Variants in WNT7B observed in about 807,000 individuals in gnomAD.
WNT7B encodes the protein protein Wnt-7b.
In WNT7B, 19 loss-of-function variants were observed where a neutral mutation model predicts 38.2. The observed-to-expected ratio is 0.50, with a 90% CI of 0.35 to 0.73. The LOEUF is 0.73. Among genes scored for constraint, WNT7B ranks in the 30% least tolerant of loss-of-function variants. The pLI, the probability that WNT7B is intolerant of heterozygous loss-of-function variation, is 0.01. For missense variants in WNT7B, 423 were observed against 507.9 expected, an observed-to-expected ratio of 0.83 and a Z score of 1.61; for synonymous variants, 243 against 209.3, an observed-to-expected ratio of 1.16 and a Z score of -1.39.
At chr22:45,923,990 C>T (rs913653665) in intron 3 of WNT7B, among the ~76,000 whole-genome samples, 30 of 152,226 alleles carry the variant, frequency 2.0e-4, no homozygotes, top group African/African-American at 7.0e-4. Flanking sequence ...GGGCCCTCCA[C>T]GGGTGCAGCC....
At chr22:45,927,669 G>A (rs1375760075) in intron 3 of WNT7B, 2 of 720,784 alleles carry the variant, frequency 2.8e-6, no homozygotes, top group Non-Finnish European at 5.1e-6. Flanking sequence ...GCCGAGGCGG[G>A]CAGATCACCT....
chr22:45,961,385 T>TG (rs1420389969), intron 1 of WNT7B, among the ~76,000 whole-genome samples: 1 of 152,142 alleles, frequency 6.6e-6, no homozygotes, highest in Non-Finnish European at 1.5e-5. Flanking sequence ...CTTACACCTG[T>TG]GGGGGAGGGA....
rs775037152 is a variant in WNT7B at position 45,922,866 on chromosome 22, G to C, written c.1040C>G (p.Thr347Ser). Residue 347 changes from threonine to serine, a missense_variant, in exon 4 of 4, where the codon ACC (threonine) becomes AGC (serine). Around this residue, in one of 3 missense-constraint regions of WNT7B, gnomAD observed 158 missense variants for 214.7 expected, o/e 0.74. Coordinates refer to ENST00000339464, the MANE Select transcript of WNT7B (RefSeq NM_058238.3). ...NTCSERTEVF[T>S]CK The stretch of plus-strand genomic sequence containing the variant: ...CCTCCGGGCCTGGCCTCACTTGCAG[G>C]TGAAGACCTCGGTGCGCTCGCTGCA... 1 of 1,596,394 alleles carries C rather than the reference G, an allele frequency of 6.3e-7. No individual in the cohort carries two copies. The highest frequency in any genetic ancestry group is 1.1e-5 in the South Asian group (1 of 90,444).
intron 2 of WNT7B, among the ~76,000 whole-genome samples, chr22:45,941,642 G>C (rs940753707): frequency 2.0e-5 from 3 of 152,178 alleles, no homozygotes; most frequent in African/African-American, 7.2e-5. Flanking sequence ...GGCCACGGGT[G>C]GCTTAAGGTG....
intron 3 of WNT7B, chr22:45,927,647 G>A (rs550165332): frequency 9.1e-6 from 7 of 770,764 alleles, no homozygotes; most frequent in African/African-American, 8.6e-5. Flanking sequence ...TGTAATCCAA[G>A]CACTTTGGGA....
At chr22:45,942,018 C>T (rs959038017) in intron 2 of WNT7B, among the ~76,000 whole-genome samples, 1 of 152,074 alleles carries the variant, frequency 6.6e-6, no homozygotes, top group African/African-American at 2.4e-5. Context: ...GGCTGGGGAG[C>T]TCCTTGGTTT....
intron 1 of WNT7B, among the ~76,000 whole-genome samples, chr22:45,960,225 C>T (rs539933378): frequency 5.3e-5 from 8 of 152,340 alleles, no homozygotes; most frequent in Middle Eastern, 3.4e-3. Flanking sequence ...CTCTTGCCCA[C>T]ACCCGTTCCT....
At chr22:45,929,685 C>CTTCCATCCACCCATCT (rs748523997) in intron 3 of WNT7B, among the ~76,000 whole-genome samples, 3 of 111,830 alleles carry the variant, frequency 2.7e-5, no homozygotes, top group African/African-American at 9.7e-5. Context: ...TCCCTCCATA[C>CTTCCATCCACCCATCT]TTCCATCCAC....
rs1016349709 is a variant in WNT7B at position 45,931,288 on chromosome 22, T to C, written c.380A>G (p.Asn127Ser). 2 of 1,598,326 alleles carry C rather than the reference T, an allele frequency of 1.3e-6. No homozygotes were observed. Among genetic ancestry groups the C allele is most frequent in the Non-Finnish European group, 1.7e-6 (2 of 1,179,538 alleles). ...GCGGTCGCAGCCGCAGTTGCTCAGG[T>C]TCCCTTGGCTGCAGGCAGCGGTGAC... ...HAVTAACSQGNLSNCGCDREK... is the reference protein window; with the variant it reads ...HAVTAACSQGSLSNCGCDREK... The change falls in exon 3 of 4, where the codon AAC becomes AGC. Residue 127 changes from asparagine to serine, a missense_variant. Physicochemically the swap from Asn to Ser is conservative, Grantham distance 46 (BLOSUM62 1). Coordinates refer to ENST00000339464, the MANE Select transcript of WNT7B (RefSeq NM_058238.3).
At chr22:45,952,975 G>A (rs115986104) in intron 1 of WNT7B, among the ~76,000 whole-genome samples, 2,680 of 152,292 alleles carry the variant, frequency 0.018, 64 homozygotes, top group African/African-American at 0.06. Flanking sequence ...CCCCTTCTCC[G>A]TTTTTCTGTC....
At chr22:45,924,311 AAATGAATG>A (rs778598358) in intron 3 of WNT7B, among the ~76,000 whole-genome samples, 1 of 152,288 alleles carries the variant, frequency 6.6e-6, no homozygotes, top group South Asian at 2.1e-4. Flanking sequence ...GTCCCCCAGA[AAATGAATG>A]AATGAATGAG....
At chr22:45,964,930 T>C (rs1932279011) in intron 1 of WNT7B, among the ~76,000 whole-genome samples, 1 of 152,154 alleles carries the variant, frequency 6.6e-6, no homozygotes, top group Non-Finnish European at 1.5e-5. Flanking sequence ...GGGCCCTGCA[T>C]CTGCAGCTGG....
At chr22:45,944,791 C>A (rs1169086062) in intron 2 of WNT7B, among the ~76,000 whole-genome samples, 1 of 152,228 alleles carries the variant, frequency 6.6e-6, no homozygotes, top group Non-Finnish European at 1.5e-5. Flanking sequence ...AACAACCAGG[C>A]CTGATGAAGG....
At chr22:45,939,206 T>G (rs987176384) in intron 2 of WNT7B, among the ~76,000 whole-genome samples, 1 of 152,104 alleles carries the variant, frequency 6.6e-6, no homozygotes, top group Non-Finnish European at 1.5e-5. Flanking sequence ...TGTGAGATGC[T>G]GCAGCCACTG....
chr22:45,928,302 C>T (rs896567014), intron 3 of WNT7B, among the ~76,000 whole-genome samples: 1 of 152,154 alleles, frequency 6.6e-6, no homozygotes, highest in African/African-American at 2.4e-5. Flanking sequence ...TGGAAAGTTC[C>T]AAAGCCCCAC....
chr22:45,971,126 G>A lies in WNT7B; in HGVS notation c.71+5558C>T, dbSNP rs73446577. Among the ~76,000 whole-genome samples the A allele has an allele frequency of 3.6e-3, 541 of 151,494 alleles. 3 individuals carry two copies. The highest frequency in any genetic ancestry group is 0.013 in the African/African-American group (519 of 41,258). On this transcript the variant is annotated intron_variant, in intron 1 of 3. Coordinates refer to ENST00000339464, the MANE Select transcript of WNT7B (RefSeq NM_058238.3). ...TATTAAATGGGGGTGGGGGCGAGGC[G>A]ATGTATTAGGACTGCAACCGCATGG...
intron 2 of WNT7B, among the ~76,000 whole-genome samples, chr22:45,934,087 G>T (rs142538493): frequency 6.6e-6 from 1 of 152,362 alleles, no homozygotes; most frequent in East Asian, 1.9e-4. Flanking sequence ...TCACCTGGAC[G>T]TTAGGATGAG....
At chr22:45,928,531 T>C (rs1048160934) in intron 3 of WNT7B, among the ~76,000 whole-genome samples, 1 of 150,432 alleles carries the variant, frequency 6.6e-6, no homozygotes, top group African/African-American at 2.5e-5. Context: ...GTAGGAGAAT[T>C]GGCCACTGGC....
intron 1 of WNT7B, among the ~76,000 whole-genome samples, chr22:45,967,708 G>A (rs1346965067): frequency 6.6e-6 from 1 of 152,120 alleles, no homozygotes; most frequent in Non-Finnish European, 1.5e-5. Context: ...GGGATGTGGT[G>A]GGTGGGAGGG....
Sources: gnomAD v4.1 joint callset for allele counts (sites outside exome capture counted in the v4.1 genomes callset) on GRCh38, gnomAD v4.1.1 for gene constraint, gnomAD v4.1.1 regional missense constraint, MANE v1.5 for transcripts, NCBI Gene and HGNC (gene_info 2026-07-23, HGNC 2026-07-21) for gene names.